The following ADGRL3 variants were observed in gnomAD, a reference collection of about 807,000 sequenced individuals.
ADGRL3 encodes adhesion G protein-coupled receptor L3.
A neutral mutation model predicts 153.5 loss-of-function variants in ADGRL3; 62 were observed. The ratio of observed to expected loss-of-function variants is 0.40; its 90% CI spans 0.33 to 0.50. The LOEUF is 0.50. Ranked by LOEUF, ADGRL3 falls within the 20% of genes least tolerant of loss-of-function variation. The probability of loss-of-function intolerance (pLI) is 0.47; values close to 1 mark genes in which losing one functional copy is unlikely to be tolerated. For synonymous variants in ADGRL3, 710 were observed against 672.5 expected (o/e 1.06, Z -0.86); for missense variants, 1,641 against 1,859.4 (o/e 0.88, Z 2.16).
At chr4:61,325,870 T>C (rs866362176) in intron 1 of ADGRL3, among the ~76,000 whole-genome samples, 10 of 152,166 alleles carry the variant, frequency 6.6e-5, no homozygotes, top group Admixed American at 2.0e-4. Context: ...TCATGATTAC[T>C]AACATATTGA....
At chr4:61,954,114 G>C (rs1385492155) in intron 17 of ADGRL3, among the ~76,000 whole-genome samples, 1 of 152,044 alleles carries the variant, frequency 6.6e-6, no homozygotes, top group Non-Finnish European at 1.5e-5. Flanking sequence ...CCAGTGGCTT[G>C]ATATAACTAT....
intron 8 of ADGRL3, among the ~76,000 whole-genome samples, chr4:61,785,502 A>G (rs2097266099): frequency 6.6e-6 from 1 of 152,196 alleles, no homozygotes; most frequent in Non-Finnish European, 1.5e-5. Context: ...TCTGTTAATG[A>G]TTGGAACCTG....
At chr4:61,469,624 T>G (rs1236639626) in intron 2 of ADGRL3, among the ~76,000 whole-genome samples, 1 of 152,068 alleles carries the variant, frequency 6.6e-6, no homozygotes, top group Non-Finnish European at 1.5e-5. Context: ...AGCATTTTAT[T>G]CTTTGTTGTA....
At chr4:61,464,740 A>C (rs1220445123) in intron 2 of ADGRL3, among the ~76,000 whole-genome samples, 4 of 152,198 alleles carry the variant, frequency 2.6e-5, no homozygotes, top group Non-Finnish European at 4.4e-5. Context: ...ATTTGATTTG[A>C]AATTGCTTCA....
At chr4:61,426,193 C>T (rs189264325) in intron 2 of ADGRL3, among the ~76,000 whole-genome samples, 2 of 152,352 alleles carry the variant, frequency 1.3e-5, no homozygotes, top group East Asian at 3.9e-4. Flanking sequence ...ACCAACTAGC[C>T]AATTCGGTAA....
At chr4:61,357,691 G>A (rs980632679) in intron 1 of ADGRL3, among the ~76,000 whole-genome samples, 1 of 152,006 alleles carries the variant, frequency 6.6e-6, no homozygotes, top group Non-Finnish European at 1.5e-5. Context: ...TGGCCCCTGT[G>A]AAAATACATA....
chr4:61,631,348 C>A (rs1579964050), intron 5 of ADGRL3, among the ~76,000 whole-genome samples: 1 of 152,278 alleles, frequency 6.6e-6, no homozygotes, highest in Middle Eastern at 3.4e-3. Context: ...TTTTTCACCC[C>A]TTGGAGATTC....
rs892463034 is a variant in ADGRL3, at chr4:62,070,649, C to A, written c.4373C>A (p.Thr1458Lys). Residue 1458 changes from threonine (T) to lysine (K), a missense_variant, in exon 27 of 27, where the codon ACA becomes AAA. Around this residue, in one of 5 missense-constraint regions of ADGRL3, gnomAD observed 517 missense variants for 555.0 expected, o/e 0.93. Transcript: ENST00000683033. ...HRDSLYTSMPTLAGVAATESV... is the reference protein window; with the variant it reads ...HRDSLYTSMPKLAGVAATESV... Reference sequence around the variant, plus strand: ...GACTCTCTCTATACCAGCATGCCGACACTGGCTGGTGTGGCCGCCACAGAG... The same window carrying A: ...GACTCTCTCTATACCAGCATGCCGAAACTGGCTGGTGTGGCCGCCACAGAG... 1 of 1,551,412 alleles carries A rather than the reference C, an allele frequency of 6.4e-7. No homozygotes were observed. Among genetic ancestry groups the A allele is most frequent in the African/African-American group, 1.4e-5 (1 of 73,012 alleles).
At chr4:62,031,070 A>T (rs1164426590) in intron 22 of ADGRL3, among the ~76,000 whole-genome samples, 1 of 151,618 alleles carries the variant, frequency 6.6e-6, no homozygotes, top group Non-Finnish European at 1.5e-5. Context: ...GAAATCAATC[A>T]AACAAATGTT....
intron 8 of ADGRL3, among the ~76,000 whole-genome samples, chr4:61,780,703 A>G (rs1470709821): frequency 6.6e-6 from 1 of 152,168 alleles, no homozygotes; most frequent in Non-Finnish European, 1.5e-5. Context: ...ATTTTGAAAT[A>G]CTGTGAGACC....
At chr4:61,955,636 C>T (rs1157233087) in intron 17 of ADGRL3, among the ~76,000 whole-genome samples, 1 of 152,008 alleles carries the variant, frequency 6.6e-6, no homozygotes, top group Non-Finnish European at 1.5e-5. Flanking sequence ...ATATTTGTGC[C>T]ATGGTAGTTT....
At chr4:61,941,390 G>C (rs2098893203) in intron 15 of ADGRL3, among the ~76,000 whole-genome samples, 1 of 39,014 alleles carries the variant, frequency 2.6e-5, no homozygotes, top group African/African-American at 1.2e-4. Flanking sequence ...TGTTCTTTTG[G>C]CTTAGGATTG....
intron 19 of ADGRL3, among the ~76,000 whole-genome samples, chr4:61,993,995 T>A (rs2099113013): frequency 6.6e-6 from 1 of 152,196 alleles, no homozygotes; most frequent in South Asian, 2.1e-4. Flanking sequence ...CGAACAGGTT[T>A]ATTGTGTTTA....
At chr4:61,441,755 G>A (rs1369962277) in intron 2 of ADGRL3, among the ~76,000 whole-genome samples, 2 of 152,102 alleles carry the variant, frequency 1.3e-5, no homozygotes, top group African/African-American at 4.8e-5. Context: ...ATGAAGTACT[G>A]TCTTTGCTGG....
At chr4:61,700,079 A>T (rs973901270) in intron 6 of ADGRL3, among the ~76,000 whole-genome samples, 10 of 152,136 alleles carry the variant, frequency 6.6e-5, no homozygotes, top group Non-Finnish European at 1.0e-4. Flanking sequence ...GTAAGGAGGG[A>T]CGAAGAGGTT....
chr4:61,424,583 G>C (rs2097253835), intron 2 of ADGRL3, among the ~76,000 whole-genome samples: 1 of 152,146 alleles, frequency 6.6e-6, no homozygotes, highest in Non-Finnish European at 1.5e-5. Context: ...CTCTTGCAAG[G>C]CTGCTATTAT....
chr4:61,843,214 A>G (rs2098060641), intron 9 of ADGRL3, among the ~76,000 whole-genome samples: 1 of 152,188 alleles, frequency 6.6e-6, no homozygotes, highest in Admixed American at 6.6e-5. Context: ...TGGTGATGTC[A>G]TTTCTAAGTT....
intron 21 of ADGRL3, among the ~76,000 whole-genome samples, chr4:62,001,665 A>G (rs2099140744): frequency 6.6e-6 from 1 of 152,200 alleles, no homozygotes; most frequent in Non-Finnish European, 1.5e-5. Flanking sequence ...AAAATCTGGC[A>G]TGTTTTTAAA....
intron 21 of ADGRL3, among the ~76,000 whole-genome samples, chr4:62,012,076 G>C (rs1038483200): frequency 4.6e-5 from 7 of 152,084 alleles, no homozygotes; most frequent in African/African-American, 1.2e-4. Flanking sequence ...TAAAAAATTT[G>C]TTGTGAGAGA....
Sources: allele counts gnomAD v4.1 joint callset (sites outside exome capture counted in the v4.1 genomes callset), GRCh38; gene constraint gnomAD v4.1.1; regional missense constraint gnomAD v4.1.1; transcripts MANE v1.5; gene names NCBI Gene and HGNC (gene_info 2026-07-23, HGNC 2026-07-21).